Variants in RARB observed in about 807,000 individuals in gnomAD.
The protein encoded by RARB is HBV-activated protein.
A neutral mutation model predicts 51.9 loss-of-function variants in RARB; 17 were observed. The observed-to-expected ratio is 0.33, with a 90% CI of 0.22 to 0.49. The LOEUF (loss-of-function observed/expected upper bound fraction) is 0.49, where lower values mean the gene tolerates loss of function less well. RARB is among the 20% of genes least tolerant of loss of function. The probability of loss-of-function intolerance (pLI) is 0.99; values close to 1 mark genes in which losing one functional copy is unlikely to be tolerated. For synonymous variants in RARB, 215 were observed against 195.4 expected, an observed-to-expected ratio of 1.10 and a Z score of -0.84; for missense variants, 369 against 550.8, an observed-to-expected ratio of 0.67 and a Z score of 3.30.
intron 5 of RARB, among the ~76,000 whole-genome samples, chr3:25,589,313 A>G (rs73151341): frequency 0.023 from 3,528 of 152,314 alleles, 144 homozygotes; most frequent in African/African-American, 0.081. Context: ...CCAGAAGTTC[A>G]TGAGCAAAGG....
At chr3:25,414,743 T>C (rs1056392300) in intron 5 of RARB, among the ~76,000 whole-genome samples, 2 of 152,224 alleles carry the variant, frequency 1.3e-5, no homozygotes, top group African/African-American at 4.8e-5. Flanking sequence ...TCTGTTCAAA[T>C]TGTTTACCCA....
chr3:25,242,291 C>A (rs900080143), intron 5 of RARB, among the ~76,000 whole-genome samples: 1 of 152,138 alleles, frequency 6.6e-6, no homozygotes, highest in Non-Finnish European at 1.5e-5. Context: ...TTTTGCCGTG[C>A]AGAAACTCTT....
At chr3:24,977,119 T>C (rs190137633) in intron 2 of RARB, among the ~76,000 whole-genome samples, 3 of 152,302 alleles carry the variant, frequency 2.0e-5, no homozygotes, top group African/African-American at 7.2e-5. Flanking sequence ...CATTGGTCTA[T>C]ATATCTGTTT....
At chr3:25,496,975 C>G (rs921686978) in intron 2 of RARB, among the ~76,000 whole-genome samples, 1 of 152,202 alleles carries the variant, frequency 6.6e-6, no homozygotes, top group Non-Finnish European at 1.5e-5. Flanking sequence ...ACCTCTGCCT[C>G]CCGGGTTCAA....
At chr3:24,875,144 C>G (rs530861488) in intron 2 of RARB, among the ~76,000 whole-genome samples, 2 of 152,058 alleles carry the variant, frequency 1.3e-5, no homozygotes, top group Non-Finnish European at 2.9e-5. Context: ...GATTTACATA[C>G]AAGTCCTTTT....
intron 4 of RARB, among the ~76,000 whole-genome samples, chr3:25,573,468 G>A (rs1700792263): frequency 6.6e-6 from 1 of 152,152 alleles, no homozygotes; most frequent in African/African-American, 2.4e-5. Flanking sequence ...CTTCACTACT[G>A]GGCATCCTTC....
At chr3:24,915,117 C>A (rs948859221) in intron 2 of RARB, among the ~76,000 whole-genome samples, 2 of 152,152 alleles carry the variant, frequency 1.3e-5, no homozygotes, top group South Asian at 4.1e-4. Context: ...TTCTGAAGAA[C>A]TAGTCCTGTT....
At chr3:25,276,051 C>T (rs1703373614) in intron 5 of RARB, among the ~76,000 whole-genome samples, 2 of 152,240 alleles carry the variant, frequency 1.3e-5, no homozygotes, top group Non-Finnish European at 2.9e-5. Context: ...TGAGGCTCAG[C>T]TTCCCCTTCT....
intron 2 of RARB, among the ~76,000 whole-genome samples, chr3:24,863,292 C>T (rs1483144655): frequency 6.6e-6 from 1 of 152,184 alleles, no homozygotes; most frequent in Non-Finnish European, 1.5e-5. Flanking sequence ...GCTAACCAGC[C>T]ACAGATGCTT....
At chr3:25,334,456 AC>A (rs910152540) in intron 5 of RARB, among the ~76,000 whole-genome samples, 4 of 152,056 alleles carry the variant, frequency 2.6e-5, no homozygotes, top group African/African-American at 9.7e-5. Flanking sequence ...GCATGTTCTC[AC>A]TCATAGGTGG....
intron 3 of RARB, among the ~76,000 whole-genome samples, chr3:25,566,803 T>C (rs1206249458): frequency 1.3e-5 from 2 of 152,222 alleles, no homozygotes; most frequent in Admixed American, 1.3e-4. Flanking sequence ...TTATGGGGAC[T>C]CCTTCTGTGG....
intron 2 of RARB, among the ~76,000 whole-genome samples, chr3:25,047,509 G>A (rs1327430951): frequency 6.6e-6 from 1 of 152,146 alleles, no homozygotes; most frequent in African/African-American, 2.4e-5. Flanking sequence ...TACTATATTG[G>A]ATGTCATAGC....
At chr3:24,899,556 A>C (rs993420684) in intron 2 of RARB, among the ~76,000 whole-genome samples, 1 of 152,096 alleles carries the variant, frequency 6.6e-6, no homozygotes, top group African/African-American at 2.4e-5. Context: ...GTCTAGTGGG[A>C]ATTGATTAGG....
chr3:25,597,427 T>G lies in RARB; in HGVS notation c.*811T>G, dbSNP rs1199901396. The G allele has an allele frequency of 6.6e-6, 1 of 152,538 alleles. No individual in the cohort carries two copies. Among genetic ancestry groups the G allele is most frequent in the Non-Finnish European group, 1.5e-5 (1 of 67,968 alleles). The allele number at this position is 152,538 out of a possible 1,614,324, so 9.4% of individuals were successfully genotyped here. On this transcript the variant is annotated 3_prime_UTR_variant, in exon 8 of 8. Coordinates refer to ENST00000330688, the MANE Select transcript of RARB (RefSeq NM_000965.5). The stretch of plus-strand genomic sequence containing the variant: ...CTACACAGTTAGTTAAAAAAAATTT[T>G]TTTACAGTAATGATAGCCTCCAAGG...
At chr3:25,168,209 C>CT (rs547148866) in intron 4 of RARB, among the ~76,000 whole-genome samples, 16 of 151,882 alleles carry the variant, frequency 1.1e-4, no homozygotes, top group East Asian at 7.8e-4. Context: ...GGACATTTCT[C>CT]TTTTTTTTGT....
In RARB at chr3:25,569,985, C is replaced by G. The variant is rs1231587185; in HGVS notation, c.609+67C>G. 3.5e-5 allele frequency: 6 copies of G among 171,334 alleles called. No individual in the cohort carries two copies. In the East Asian group the frequency reaches 6.8e-4, roughly 20 times the overall value. 10.6% of individuals were successfully genotyped at this position (171,334 alleles called of 1,614,324 possible). ...CCTTGTACGTGCATGTGTGCAGACACACACACACACACACACACACACACA... is the reference window on the plus strand; with the variant it reads ...CCTTGTACGTGCATGTGTGCAGACAGACACACACACACACACACACACACA... On this transcript the variant is annotated intron_variant, in intron 4 of 7. Transcript: ENST00000330688.
intron 2 of RARB, among the ~76,000 whole-genome samples, chr3:24,939,414 G>C (rs977638147): frequency 2.0e-5 from 3 of 152,208 alleles, no homozygotes; most frequent in African/African-American, 2.4e-5. Context: ...TTTTATAGAA[G>C]TGATAAATGC....
At chr3:25,193,865 C>A (rs915820655) in intron 5 of RARB, among the ~76,000 whole-genome samples, 1 of 150,806 alleles carries the variant, frequency 6.6e-6, no homozygotes, top group East Asian at 2.0e-4. Flanking sequence ...CACTCAGTTT[C>A]AAAATATATA....
At chr3:24,964,618 T>C (rs1467766838) in intron 2 of RARB, among the ~76,000 whole-genome samples, 4 of 152,208 alleles carry the variant, frequency 2.6e-5, no homozygotes, top group Non-Finnish European at 1.5e-5. Flanking sequence ...TTGGTGTATG[T>C]TGATGCTTAT....
Sources: allele counts gnomAD v4.1 joint callset (sites outside exome capture counted in the v4.1 genomes callset), GRCh38; gene constraint gnomAD v4.1.1; transcripts MANE v1.5; gene names NCBI Gene and HGNC (gene_info 2026-07-23, HGNC 2026-07-21).